The following MTMR14 variants were observed in gnomAD, a reference collection of about 807,000 sequenced individuals.
MTMR14 encodes the protein phosphatidylinositol-3,5-bisphosphate 3-phosphatase MTMR14.
In MTMR14, 48 loss-of-function variants were observed where a neutral mutation model predicts 86.3. The observed-to-expected ratio is 0.56, with a 90% CI of 0.44 to 0.71. The LOEUF is 0.71. Ranked by LOEUF, MTMR14 falls within the 30% of genes least tolerant of loss-of-function variation. The pLI is 0.00. For missense variants in MTMR14, 780 were observed against 834.6 expected (o/e 0.93, Z 0.81); for synonymous variants, 366 against 326.1 (o/e 1.12, Z -1.32).
At chr3:9,691,921 T>G (rs924420187) in intron 17 of MTMR14, among the ~76,000 whole-genome samples, 5 of 152,156 alleles carry the variant, frequency 3.3e-5, no homozygotes, top group Non-Finnish European at 5.9e-5. Context: ...TTTCCGCTGG[T>G]CTGTTTGGGG....
At chr3:9,660,735 TAGA>T (rs2047882737) in intron 2 of MTMR14, among the ~76,000 whole-genome samples, 1 of 152,202 alleles carries the variant, frequency 6.6e-6, no homozygotes. Context: ...CGCAGATTCC[TAGA>T]AGGATTAGGA....
chr3:9,661,982 G>A (rs2047965234), intron 2 of MTMR14, among the ~76,000 whole-genome samples: 1 of 151,796 alleles, frequency 6.6e-6, no homozygotes, highest in Non-Finnish European at 1.5e-5. Flanking sequence ...AGCATACTCG[G>A]GAGGCTGAGA....
At chr3:9,691,879 G>A (rs2076149261) in intron 17 of MTMR14, among the ~76,000 whole-genome samples, 1 of 152,184 alleles carries the variant, frequency 6.6e-6, no homozygotes. Flanking sequence ...GCTTTGAAAG[G>A]TGTGGGGTGG....
At chr3:9,686,758 T>C (rs1286620775) in intron 13 of MTMR14, among the ~76,000 whole-genome samples, 1 of 152,192 alleles carries the variant, frequency 6.6e-6, no homozygotes, top group Non-Finnish European at 1.5e-5. Context: ...CTGACAGGGC[T>C]CGTGGGATGC....
intron 3 of MTMR14, among the ~76,000 whole-genome samples, chr3:9,666,347 G>A (rs2048256374): frequency 6.6e-6 from 1 of 150,748 alleles, no homozygotes; most frequent in Admixed American, 6.6e-5. Context: ...TGGCCAAGCT[G>A]GTGTCAGACT....
intron 17 of MTMR14, among the ~76,000 whole-genome samples, chr3:9,696,292 G>A (rs1416703712): frequency 6.6e-6 from 1 of 152,210 alleles, no homozygotes; most frequent in African/African-American, 2.4e-5. Flanking sequence ...GAGATCAGGA[G>A]TTCAAGACCA....
chr3:9,691,939 G>A (rs1047451318), intron 17 of MTMR14, among the ~76,000 whole-genome samples: 6 of 152,212 alleles, frequency 3.9e-5, no homozygotes, highest in African/African-American at 7.2e-5. Context: ...GGGGATGCCT[G>A]TCTGGAGCCA....
chr3:9,655,497 G>C (rs1456301643), intron 2 of MTMR14, among the ~76,000 whole-genome samples: 2 of 91,806 alleles, frequency 2.2e-5, no homozygotes, highest in Admixed American at 3.1e-4. Flanking sequence ...AGAGTGCTCT[G>C]TCACCCAGGC....
Position 9,649,741 on chromosome 3 carries a change from A to G in MTMR14, c.158A>G (p.Lys53Arg), listed in dbSNP as rs1238128552. ...AKDGSGTGGS[K>R]VERIEKRCLE... ...GATGGCAGCGGGACCGGCGGCTCTA[A>G]GGTGAGATTGGAGGTGCGATGAGCT... Residue 53 changes from lysine (K) to arginine (R), a missense_variant and splice_region_variant, in exon 1 of 19, where the codon AAG (lysine) becomes AGG (arginine). Transcript: ENST00000296003. The G allele has an allele frequency of 2.5e-6, 4 of 1,613,302 alleles. No individual in the cohort carries two copies. Among genetic ancestry groups the G allele is most frequent in the Non-Finnish European group, 3.4e-6 (4 of 1,179,838 alleles).
At chr3:9,671,607 TC>T (rs1195718971) in intron 6 of MTMR14, among the ~76,000 whole-genome samples, 1 of 152,196 alleles carries the variant, frequency 6.6e-6, no homozygotes, top group East Asian at 1.9e-4. Flanking sequence ...TGCCTCAGCT[TC>T]CCAAAGTGCT....
chr3:9,698,591 TG>T (rs1230426883), intron 18 of MTMR14, among the ~76,000 whole-genome samples: 2 of 152,330 alleles, frequency 1.3e-5, no homozygotes, highest in South Asian at 4.1e-4. Flanking sequence ...TGGCACATGC[TG>T]GGGCCTTACC....
chr3:9,685,091 C>T, intron 12 of MTMR14, 120 bp from the exon 13 acceptor site: 2 of 1,500,178 alleles, frequency 1.3e-6, no homozygotes, highest in South Asian at 1.1e-5. Context: ...ACCGAAGCTG[C>T]TGATCAGGCC....
intron 18 of MTMR14, among the ~76,000 whole-genome samples, chr3:9,698,346 T>C (rs1311417128): frequency 2.0e-5 from 3 of 152,226 alleles, no homozygotes; most frequent in African/African-American, 7.2e-5. Flanking sequence ...GAATAAGAAT[T>C]GGATGGGGAT....
At position 9,688,999 on chromosome 3, in the gene MTMR14, G is replaced by A. The variant is rs1469365399; in HGVS notation, c.1350G>A (p.Met450Ile). Residue 450 changes from methionine to isoleucine, a missense_variant, in exon 16 of 19, where the codon ATG becomes ATA. Transcript: ENST00000296003. ...TTGGCAGCGACTTCTCCCTGGTCAT[G>A]GAGAGTTCCCCAGGAGCCACTGGGA... Reference protein sequence around the residue: ...TSLGSDFSLVMESSPGATGSF... With the variant: ...TSLGSDFSLVIESSPGATGSF... 6.2e-7 allele frequency: 1 copy of A among 1,613,870 alleles called. No homozygotes were observed. Among genetic ancestry groups the A allele is most frequent in the Non-Finnish European group, 8.5e-7 (1 of 1,180,018 alleles).
In MTMR14 at chr3:9,677,140, C is replaced by T. The variant is rs1290465840; in HGVS notation, c.752-177C>T. On this transcript the variant is annotated intron_variant, in intron 7 of 18. Transcript: ENST00000296003. This position sits in a 1 kb window ranked among gnomAD's most constrained non-coding sequence, Gnocchi z 4.2. The stretch of plus-strand genomic sequence containing the variant: ...GGAAACCAGAGGGGCTCTAGAGGCT[C>T]GCCCCTGGCTTTTGCCCACCCGTGT... Among the ~76,000 whole-genome samples the T allele has an allele frequency of 2.6e-5, 4 of 151,806 alleles. No individual in the cohort carries two copies. The highest frequency in any genetic ancestry group is 5.9e-5 in the Non-Finnish European group (4 of 68,040).
intron 16 of MTMR14, 54 bp from the exon 17 acceptor site, chr3:9,689,910 G>T: frequency 6.5e-7 from 1 of 1,547,794 alleles, no homozygotes; most frequent in Non-Finnish European, 8.8e-7. Flanking sequence ...AGGGTGGGCA[G>T]AGGGCTTTGC....
chr3:9,693,133 C>A (rs570562036), intron 17 of MTMR14, among the ~76,000 whole-genome samples: 2 of 152,150 alleles, frequency 1.3e-5, no homozygotes, highest in Admixed American at 1.3e-4. Context: ...TCAAACTGAC[C>A]GAAACAATAA....
Position 9,687,856 on chromosome 3 carries a change from TA to T in MTMR14, c.1201del (p.Thr401ProfsTer8). The T allele has an allele frequency of 6.3e-7, 1 of 1,587,960 alleles. No homozygotes were observed. Among genetic ancestry groups the T allele is most frequent in the Non-Finnish European group, 8.6e-7 (1 of 1,164,530 alleles). On this transcript the variant is annotated frameshift_variant, in exon 14 of 19. Coordinates refer to ENST00000296003, the MANE Select transcript of MTMR14 (RefSeq NM_001077525.3). LOFTEE classifies it high-confidence loss of function. ...TCTGCTTCAATTTTTTGAAGCATAT[TA>T]CCTCCGAGGAGTTCTCTGCTCTGAA... ...FFCFNFLKHI[T>X]SEEFSALKTQ...
At position 9,685,377 on chromosome 3, in the gene MTMR14, T is replaced by C. The variant is rs1003773550; in HGVS notation, c.1164+130T>C. Reference sequence around the variant, plus strand: ...TGTGCAGGGATGTGGCCCCCTGTCATCTCCTCCTGAGGCAGCGTGGCAGGA... The same window carrying C: ...TGTGCAGGGATGTGGCCCCCTGTCACCTCCTCCTGAGGCAGCGTGGCAGGA... On this transcript the variant is annotated intron_variant, in intron 13 of 18. Transcript: ENST00000296003. The C allele has an allele frequency of 1.6e-4, 179 of 1,140,760 alleles. 3 individuals carry two copies. In the East Asian group the frequency reaches 4.3e-3, roughly 27 times the overall value. The allele number at this position is 1,140,760 out of a possible 1,614,324, so 70.7% of individuals were successfully genotyped here. A position where few individuals can be genotyped will look rare whatever the true frequency, so the allele number is the denominator to read the frequency against.
Sources: allele counts gnomAD v4.1 joint callset (sites outside exome capture counted in the v4.1 genomes callset), GRCh38; gene constraint gnomAD v4.1.1; non-coding constraint Gnocchi (gnomAD v3.1); transcripts MANE v1.5; gene names NCBI Gene and HGNC (gene_info 2026-07-23, HGNC 2026-07-21).